EPHA3: variants seen among roughly 807,000 people sequenced by gnomAD.
EPHA3 encodes the protein ephrin type-A receptor 3.
EPHA3 carries 42 observed loss-of-function variants against 107.1 expected under a neutral mutation model. The ratio of observed to expected loss-of-function variants is 0.39; its 90% confidence interval spans 0.31 to 0.51. The LOEUF (loss-of-function observed/expected upper bound fraction) is 0.51, where lower values mean the gene tolerates loss of function less well. Among genes scored for constraint, EPHA3 ranks in the 20% least tolerant of loss-of-function variants. EPHA3 has a pLI of 0.78. For synonymous variants in EPHA3, 461 were observed against 424.8 expected (o/e 1.09, Z -1.05); for missense variants, 1,183 against 1,211.2 (o/e 0.98, Z 0.35).
intron 2 of EPHA3, among the ~76,000 whole-genome samples, chr3:89,201,487 C>T (rs1457324198): frequency 1.3e-5 from 2 of 152,148 alleles, no homozygotes; most frequent in Non-Finnish European, 2.9e-5. Context: ...TACTAAGGCA[C>T]TCCACAAGCC....
intron 5 of EPHA3, among the ~76,000 whole-genome samples, chr3:89,385,670 G>A (rs1241104329): frequency 6.6e-6 from 1 of 152,106 alleles, no homozygotes; most frequent in Non-Finnish European, 1.5e-5. Flanking sequence ...AGAGAGTGGG[G>A]TGCTGCTATA....
chr3:89,173,972 C>T (rs1423729844), intron 2 of EPHA3, among the ~76,000 whole-genome samples: 1 of 151,868 alleles, frequency 6.6e-6, no homozygotes, highest in African/African-American at 2.4e-5. Flanking sequence ...TCCCAAATCA[C>T]ACGTGTGTCT....
At chr3:89,437,135 C>G (rs893952536) in intron 13 of EPHA3, among the ~76,000 whole-genome samples, 5 of 152,146 alleles carry the variant, frequency 3.3e-5, no homozygotes, top group Non-Finnish European at 4.4e-5. Flanking sequence ...TGGGGACCCA[C>G]ATACATGCTC....
In EPHA3 at chr3:89,225,378, C is replaced by T. The variant is rs1051897781; in HGVS notation, c.814+14858C>T. Among the ~76,000 whole-genome samples the T allele has an allele frequency of 1.1e-4, 16 of 152,180 alleles. No homozygotes were observed. In the South Asian group the frequency reaches 1.9e-3, roughly 18 times the overall value. ...CAATTTTCTAAAATTACACTAGATA[C>T]GAAAGTAAACCTTGTGGAACCTTTA... On this transcript the variant is annotated intron_variant, in intron 3 of 16. Coordinates refer to ENST00000336596, the MANE Select transcript of EPHA3 (RefSeq NM_005233.6).
chr3:89,436,305 CA>C (rs368403966), intron 13 of EPHA3, among the ~76,000 whole-genome samples: 131 of 152,268 alleles, frequency 8.6e-4, no homozygotes, highest in African/African-American at 3.0e-3. Context: ...ACAAGTTCAT[CA>C]TTCAAAACAA....
chr3:89,295,262 A>G (rs529763510), intron 3 of EPHA3, among the ~76,000 whole-genome samples: 18 of 152,280 alleles, frequency 1.2e-4, no homozygotes, highest in African/African-American at 4.3e-4. Context: ...AAAATACTTT[A>G]TTACTAAAAA....
chr3:89,176,534 C>A (rs941626417), intron 2 of EPHA3, among the ~76,000 whole-genome samples: 6 of 149,376 alleles, frequency 4.0e-5, no homozygotes, highest in Non-Finnish European at 7.4e-5. Context: ...TATGTTTTTT[C>A]ACCTACTGTT....
At chr3:89,322,673 A>G (rs1707071423) in intron 3 of EPHA3, among the ~76,000 whole-genome samples, 1 of 152,064 alleles carries the variant, frequency 6.6e-6, no homozygotes, top group South Asian at 2.1e-4. Flanking sequence ...GAGTGTACCT[A>G]TATAAAAAAG....
At chr3:89,329,594 T>G (rs567842481) in intron 3 of EPHA3, among the ~76,000 whole-genome samples, 89 of 152,248 alleles carry the variant, frequency 5.8e-4, no homozygotes, top group African/African-American at 2.1e-3. Flanking sequence ...TTGTATTCCT[T>G]TTATTGCAAT....
At chr3:89,202,661 G>A (rs1307184912) in intron 2 of EPHA3, among the ~76,000 whole-genome samples, 7 of 150,932 alleles carry the variant, frequency 4.6e-5, no homozygotes, top group Non-Finnish European at 1.0e-4. Flanking sequence ...GAATAAAACT[G>A]CAATTATAAG....
rs2107181423 is a variant in EPHA3 at position 89,210,066 on chromosome 3, C to T, written c.360C>T (p.Phe120=). 1 of 1,613,956 alleles carries T rather than the reference C, an allele frequency of 6.2e-7. No individual in the cohort carries two copies. Among genetic ancestry groups the T allele is most frequent in the Non-Finnish European group, 8.5e-7 (1 of 1,179,918 alleles). The change falls in exon 3 of 17, where the codon TTC becomes TTT. Residue 120 remains phenylalanine, a synonymous_variant. Coordinates refer to ENST00000336596, the MANE Select transcript of EPHA3 (RefSeq NM_005233.6). ...PLVLGTCKET[F]NLYYMESDDD... ...TTTTAGGAACTTGCAAGGAGACATT[C>T]AACCTGTACTACATGGAGTCTGATG... is the stretch of plus-strand genomic sequence containing the variant.
chr3:89,181,622 A>G (rs939767944), intron 2 of EPHA3, among the ~76,000 whole-genome samples: 2 of 151,990 alleles, frequency 1.3e-5, no homozygotes, highest in African/African-American at 4.8e-5. Flanking sequence ...TGCCATATGC[A>G]ATCAGTAAGT....
intron 7 of EPHA3, 177 bp downstream of exon 7, chr3:89,399,657 G>T: frequency 2.4e-6 from 3 of 1,265,112 alleles, no homozygotes; most frequent in South Asian, 6.9e-5. Flanking sequence ...TGTTTGTGTG[G>T]GTGTACATTT....
At chr3:89,195,344 A>T (rs991913769) in intron 2 of EPHA3, among the ~76,000 whole-genome samples, 1 of 152,088 alleles carries the variant, frequency 6.6e-6, no homozygotes, top group Admixed American at 6.6e-5. Flanking sequence ...GTTTGAATCT[A>T]GGCTCCACCA....
At chr3:89,136,330 C>CTTTTTTTTTTGTTTTTTTTTTTTT (rs1704310690) in intron 2 of EPHA3, among the ~76,000 whole-genome samples, 2 of 23,370 alleles carry the variant, frequency 8.6e-5, no homozygotes, top group Non-Finnish European at 1.6e-4. Flanking sequence ...ATCTTACAGG[C>CTTTTTTTTTTGTTTTTTTTTTTTT]TTTTTTTTTT....
chr3:89,416,734 G>A (rs184778661), intron 10 of EPHA3, among the ~76,000 whole-genome samples: 1 of 151,318 alleles, frequency 6.6e-6, no homozygotes, highest in African/African-American at 2.4e-5. Context: ...TTAAAAACTA[G>A]CATTGCTGAA....
At chr3:89,388,089 T>C (rs1254763971) in intron 5 of EPHA3, among the ~76,000 whole-genome samples, 6 of 152,234 alleles carry the variant, frequency 3.9e-5, no homozygotes, top group Non-Finnish European at 5.9e-5. Context: ...CTTTTTACTA[T>C]AGAAATTGAA....
rs1709941136 is a variant in EPHA3 at position 89,449,324 on chromosome 3, G to A, written c.2446G>A (p.Glu816Lys). 6.2e-7 allele frequency: 1 copy of A among 1,610,820 alleles called. No homozygotes were observed. Among genetic ancestry groups the A allele is most frequent in the Admixed American group, 1.7e-5 (1 of 59,936 alleles). ...ATGGAGTTATGGGATTGTTCTCTGGGAGGTGATGTCTTATGGAGAGAGACC... is the reference window on the plus strand; with the variant it reads ...ATGGAGTTATGGGATTGTTCTCTGGAAGGTGATGTCTTATGGAGAGAGACC... ...DVWSYGIVLW[E>K]VMSYGERPYW... Residue 816 changes from glutamate (E) to lysine (K), a missense_variant, in exon 14 of 17, where the codon GAG becomes AAG. By Grantham distance (56) the Glu-to-Lys change is moderately conservative. Coordinates refer to ENST00000336596, the MANE Select transcript of EPHA3 (RefSeq NM_005233.6).
chr3:89,137,991 C>T (rs1477355782), intron 2 of EPHA3, among the ~76,000 whole-genome samples: 1 of 151,698 alleles, frequency 6.6e-6, no homozygotes, highest in African/African-American at 2.4e-5. Flanking sequence ...AATAGGCTGT[C>T]CATGGGATTC....
Sources: gnomAD v4.1 joint callset for allele counts (sites outside exome capture counted in the v4.1 genomes callset) on GRCh38, gnomAD v4.1.1 for gene constraint, MANE v1.5 for transcripts, NCBI Gene and HGNC (gene_info 2026-07-23, HGNC 2026-07-21) for gene names.